The following ITGA8 variants were observed in gnomAD, a reference collection of about 807,000 sequenced individuals.
ITGA8 encodes the protein integrin subunit alpha 8, also known as integrin alpha-8.
Under a neutral mutation model 142.3 loss-of-function variants are expected in ITGA8, and 91 were observed. The ratio of observed to expected loss-of-function variants is 0.64; its 90% CI spans 0.54 to 0.76. The LOEUF (loss-of-function observed/expected upper bound fraction) is 0.76, where lower values mean the gene tolerates loss of function less well. ITGA8 is among the 30% of genes least tolerant of loss of function. The pLI is 0.00. For missense variants in ITGA8, 1,406 were observed against 1,327.7 expected (o/e 1.06, Z -0.92); for synonymous variants, 505 against 485.2 (o/e 1.04, Z -0.54).
rs1833341785 is a variant in ITGA8, at chr10:15,613,672, G to T, written c.1541C>A (p.Thr514Lys). 1 of 1,610,178 alleles carries T rather than the reference G, an allele frequency of 6.2e-7. No individual in the cohort carries two copies. The highest frequency in any genetic ancestry group is 1.1e-5 in the South Asian group (1 of 90,974). ...CGGACTAACTCACCAGGCAGCAGAT[G>T]TCATAGAGTCTGGAACCTGGCAAGT... ...NKTCQVPDSM[T>K]SAACFSLRVC... is the part of the protein sequence containing the mutation. The change falls in exon 15 of 30, where the codon ACA becomes AAA. Residue 514 changes from threonine (T) to lysine (K), a missense_variant. Physicochemically the swap from Thr to Lys is moderately conservative, Grantham distance 78 (BLOSUM62 -1). Transcript: ENST00000378076.
intron 21 of ITGA8, among the ~76,000 whole-genome samples, chr10:15,596,289 T>C (rs2131600401): frequency 6.6e-6 from 1 of 152,316 alleles, no homozygotes. Context: ...TAAGACTTGG[T>C]TTGAATCTTG....
chr10:15,690,081 G>C (rs1254975457), intron 2 of ITGA8, among the ~76,000 whole-genome samples: 2 of 151,956 alleles, frequency 1.3e-5, no homozygotes, highest in Non-Finnish European at 2.9e-5. Context: ...TCTCTGAGCT[G>C]TACTACCCAA....
chr10:15,635,465 T>C (rs1476611306), intron 13 of ITGA8, among the ~76,000 whole-genome samples: 1 of 152,146 alleles, frequency 6.6e-6, no homozygotes, highest in Non-Finnish European at 1.5e-5. Flanking sequence ...CACTTCTTGA[T>C]AAGGAAGGCA....
intron 25 of ITGA8, among the ~76,000 whole-genome samples, chr10:15,563,559 A>G (rs1834020631): frequency 6.6e-6 from 1 of 152,196 alleles, no homozygotes; most frequent in Non-Finnish European, 1.5e-5. Context: ...TTTATTCCCA[A>G]GATATAGCCT....
At chr10:15,562,559 G>T (rs1414953041) in intron 25 of ITGA8, among the ~76,000 whole-genome samples, 1 of 152,226 alleles carries the variant, frequency 6.6e-6, no homozygotes, top group Non-Finnish European at 1.5e-5. Context: ...GGGTAACTGT[G>T]TCAGAGAAAG....
chr10:15,701,691 A>G (rs902050382), intron 2 of ITGA8, among the ~76,000 whole-genome samples: 10 of 152,348 alleles, frequency 6.6e-5, no homozygotes, highest in African/African-American at 2.4e-4. Context: ...TTTGGCAGAC[A>G]GGATAATTTT....
chr10:15,550,706 C>A (rs1215743680), intron 26 of ITGA8, among the ~76,000 whole-genome samples: 2 of 152,138 alleles, frequency 1.3e-5, no homozygotes, highest in Admixed American at 1.3e-4. Context: ...GAGAGAAAGT[C>A]TATATGAAGA....
intron 2 of ITGA8, among the ~76,000 whole-genome samples, chr10:15,715,310 A>T (rs370213176): frequency 1.7e-4 from 26 of 152,230 alleles, no homozygotes; most frequent in African/African-American, 5.3e-4. Flanking sequence ...ATAATTTAAA[A>T]TGGAATTGTA....
At chr10:15,625,177 A>C (rs781674649) in intron 13 of ITGA8, among the ~76,000 whole-genome samples, 6 of 152,214 alleles carry the variant, frequency 3.9e-5, no homozygotes, top group Non-Finnish European at 8.8e-5. Flanking sequence ...AACATTTATG[A>C]GTTGGAACAT....
chr10:15,695,327 C>G (rs1351757629), intron 2 of ITGA8, among the ~76,000 whole-genome samples: 1 of 152,162 alleles, frequency 6.6e-6, no homozygotes, highest in Non-Finnish European at 1.5e-5. Flanking sequence ...TTGAAGTCAA[C>G]AAATCACCTT....
Position 15,613,681 on chromosome 10 carries a change from T to G in ITGA8, c.1532A>C (p.Asp511Ala). 6.2e-7 allele frequency: 1 copy of G among 1,613,390 alleles called. No homozygotes were observed. The highest frequency in any genetic ancestry group is 1.1e-5 in the South Asian group (1 of 91,042). Reference protein sequence around the residue: ...NLENKTCQVPDSMTSAACFSL... With the variant: ...NLENKTCQVPASMTSAACFSL... ...TCACCAGGCAGCAGATGTCATAGAGTCTGGAACCTGGCAAGTTTTATTTTC... is the reference window on the plus strand; with the variant it reads ...TCACCAGGCAGCAGATGTCATAGAGGCTGGAACCTGGCAAGTTTTATTTTC... The change falls in exon 15 of 30, where the codon GAC becomes GCC. Residue 511 changes from aspartate to alanine, a missense_variant. Physicochemically the swap from Asp to Ala is moderately radical, Grantham distance 126. Transcript: ENST00000378076.
chr10:15,630,531 C>A (rs1163450279), intron 13 of ITGA8, among the ~76,000 whole-genome samples: 2 of 151,888 alleles, frequency 1.3e-5, no homozygotes, highest in Non-Finnish European at 2.9e-5. Flanking sequence ...CATCTGAGAT[C>A]ATTGTTTTCA....
intron 21 of ITGA8, among the ~76,000 whole-genome samples, chr10:15,595,785 G>T (rs908534184): frequency 1.3e-5 from 2 of 152,106 alleles, no homozygotes; most frequent in Non-Finnish European, 2.9e-5. Context: ...GGCCATTGAG[G>T]CTGGGCTCGG....
intron 8 of ITGA8, among the ~76,000 whole-genome samples, chr10:15,669,155 C>T (rs1251660579): frequency 6.6e-6 from 1 of 152,208 alleles, no homozygotes; most frequent in Non-Finnish European, 1.5e-5. Flanking sequence ...TTCAGGCACA[C>T]CAATCAGATG....
chr10:15,714,180 C>T (rs565546728), intron 2 of ITGA8, among the ~76,000 whole-genome samples: 1 of 152,190 alleles, frequency 6.6e-6, no homozygotes, highest in Non-Finnish European at 1.5e-5. Flanking sequence ...TTGCAATTTG[C>T]TCTTCATTAT....
chr10:15,642,912 T>A (rs1451118360), intron 13 of ITGA8, among the ~76,000 whole-genome samples: 1 of 152,190 alleles, frequency 6.6e-6, no homozygotes, highest in African/African-American at 2.4e-5. Flanking sequence ...AAATTCCCAA[T>A]CAGGGGAGGG....
At chr10:15,680,773 AT>A (rs74261032) in intron 4 of ITGA8, among the ~76,000 whole-genome samples, 367 of 142,824 alleles carry the variant, frequency 2.6e-3, no homozygotes, top group Middle Eastern at 3.6e-3. Flanking sequence ...GAAAACATTC[AT>A]TTTTTTTTTT....
intron 13 of ITGA8, among the ~76,000 whole-genome samples, chr10:15,627,186 T>C (rs1263279186): frequency 1.3e-5 from 2 of 152,194 alleles, no homozygotes; most frequent in Non-Finnish European, 1.5e-5. Flanking sequence ...ATCCACTGAA[T>C]TGAAGTCCCT....
chr10:15,713,873 C>CTTTTATTTTTAT (rs373843145), intron 2 of ITGA8, among the ~76,000 whole-genome samples: 5 of 151,658 alleles, frequency 3.3e-5, no homozygotes, highest in Admixed American at 6.6e-5. Flanking sequence ...TTTCTTTTTC[C>CTTTTATTTTTAT]TTTTATTTTT....
Sources: allele counts gnomAD v4.1 joint callset (sites outside exome capture counted in the v4.1 genomes callset), GRCh38; gene constraint gnomAD v4.1.1; transcripts MANE v1.5; gene names NCBI Gene and HGNC (gene_info 2026-07-23, HGNC 2026-07-21).